TOB2: variants seen among roughly 807,000 people sequenced by gnomAD.
TOB2 encodes the protein protein Tob2.
In TOB2, 3 loss-of-function variants were observed where a neutral mutation model predicts 17.3. The ratio of observed to expected loss-of-function variants is 0.17; its 90% confidence interval spans 0.08 to 0.45. The LOEUF (loss-of-function observed/expected upper bound fraction) is 0.45, where lower values mean the gene tolerates loss of function less well. Ranked by LOEUF, TOB2 falls within the 20% of genes least tolerant of loss-of-function variation. The probability of loss-of-function intolerance (pLI) is 0.99; values close to 1 mark genes in which losing one functional copy is unlikely to be tolerated. For synonymous variants in TOB2, 163 were observed against 185.6 expected, an observed-to-expected ratio of 0.88 and a Z score of 0.99; for missense variants, 407 against 445.7, an observed-to-expected ratio of 0.91 and a Z score of 0.78.
In TOB2 at chr22:41,436,209, T is replaced by A; in HGVS notation, c.*102A>T. ...TTTTCTAGAAGTAAGAGTGAGAAGA[T>A]CGAAAATCTTTTTGTACATTTTTCT... On this transcript the variant is annotated 3_prime_UTR_variant, in exon 2 of 2. Transcript: ENST00000327492. This position sits in a 1 kb window ranked among gnomAD's most constrained non-coding sequence, Gnocchi z 4.8. 7 of 1,400,996 alleles carry A rather than the reference T, an allele frequency of 5.0e-6. No individual in the cohort carries two copies. Among genetic ancestry groups the A allele is most frequent in the Non-Finnish European group, 6.6e-6 (7 of 1,067,880 alleles). 86.8% of individuals were successfully genotyped at this position (1,400,996 alleles called of 1,614,324 possible). A position where few individuals can be genotyped will look rare whatever the true frequency, so the allele number is the denominator to read the frequency against.
rs1343185715 is a variant in TOB2, at chr22:41,436,619, T to A, written c.727A>T (p.Ile243Phe). 3 of 1,613,708 alleles carry A rather than the reference T, an allele frequency of 1.9e-6. No individual in the cohort carries two copies. Residue 243 changes from isoleucine (I) to phenylalanine (F), a missense_variant, in exon 2 of 2, where the codon ATC becomes TTC. Ile to Phe is a conservative substitution (Grantham distance 21). Coordinates refer to ENST00000327492, the MANE Select transcript of TOB2 (RefSeq NM_016272.4). This position sits in a 1 kb window ranked among gnomAD's most constrained non-coding sequence, Gnocchi z 4.8. ...GACTGAGGGGCCGGGTTGGCCGTGA[T>A]GAAGTTCAGTGAATGCATAGACAGA... Reference protein sequence around the residue: ...LSLSMHSLNFITANPAPQSQL... With the variant: ...LSLSMHSLNFFTANPAPQSQL...
chr22:41,436,132 C>T lies in TOB2; in HGVS notation c.*179G>A. On this transcript the variant is annotated 3_prime_UTR_variant, in exon 2 of 2. Coordinates refer to ENST00000327492, the MANE Select transcript of TOB2 (RefSeq NM_016272.4). This position sits in a 1 kb window ranked among gnomAD's most constrained non-coding sequence, Gnocchi z 4.8. ...GGCGAGCGGTAAGGGGTGAGTGAAA[C>T]ACACTTGGGTGCTTTGCAGGGCCCT... 7.1e-6 allele frequency: 5 copies of T among 702,372 alleles called. No individual in the cohort carries two copies. The highest frequency in any genetic ancestry group is 3.0e-5 in the East Asian group (1 of 33,774). 43.5% of individuals were successfully genotyped at this position (702,372 alleles called of 1,614,324 possible). A position where few individuals can be genotyped will look rare whatever the true frequency, so the allele number is the denominator to read the frequency against.
Position 41,443,173 on chromosome 22 carries a change from G to A in TOB2, c.-63+3206C>T, listed in dbSNP as rs528249105. On this transcript the variant is annotated intron_variant, in intron 1 of 1. Coordinates refer to ENST00000327492, the MANE Select transcript of TOB2 (RefSeq NM_016272.4). ...AGCAGGTGCCTAGGAGAAAGACGAC[G>A]GGGGAAGAAGTGGGGCGTGAAGCTC... is the stretch of plus-strand genomic sequence containing the variant. Among the ~76,000 whole-genome samples, 134 of 152,156 alleles carry A rather than the reference G, an allele frequency of 8.8e-4. 1 individual carries two copies. Among genetic ancestry groups the A allele is most frequent in the African/African-American group, 3.2e-3 (132 of 41,536 alleles).
chr22:41,438,630 CAAAAAAAAAAAAAA>C (rs749494672), intron 1 of TOB2, among the ~76,000 whole-genome samples: 48 of 12,696 alleles, frequency 3.8e-3, no homozygotes, highest in East Asian at 0.014. Flanking sequence ...AACTCTGTCT[CAAAAAAAAAAAAAA>C]AAAAAAAAAA....
At chr22:41,441,839 A>G (rs568554427) in intron 1 of TOB2, among the ~76,000 whole-genome samples, 22 of 151,604 alleles carry the variant, frequency 1.5e-4, no homozygotes, top group Admixed American at 7.2e-4. Context: ...TGAACCCAGG[A>G]GGCGGAGGTT....
rs962104409 is a variant in TOB2, at chr22:41,436,286, C to A, written c.*25G>T. The A allele has an allele frequency of 1.3e-6, 2 of 1,531,368 alleles. No individual in the cohort carries two copies. The highest frequency in any genetic ancestry group is 1.4e-5 in the African/African-American group (1 of 72,368). 94.9% of individuals were successfully genotyped at this position (1,531,368 alleles called of 1,614,324 possible). A position where few individuals can be genotyped will look rare whatever the true frequency, so the allele number is the denominator to read the frequency against. ...TCTCTTTTCTGTGGTCTTGGGTGCT[C>A]CTGGCCCCACGGGCAGGTAGATGGT... On this transcript the variant is annotated 3_prime_UTR_variant, in exon 2 of 2. Coordinates refer to ENST00000327492, the MANE Select transcript of TOB2 (RefSeq NM_016272.4). This position sits in a 1 kb window ranked among gnomAD's most constrained non-coding sequence, Gnocchi z 4.8.
intron 1 of TOB2, among the ~76,000 whole-genome samples, chr22:41,438,179 G>A (rs1263064194): frequency 6.6e-6 from 1 of 152,024 alleles, no homozygotes. Context: ...AAAATATTTG[G>A]TTGTCCTCCT....
chr22:41,436,550 C>T lies in TOB2; in HGVS notation c.796G>A (p.Gly266Ser). 1 of 1,609,770 alleles carries T rather than the reference C, an allele frequency of 6.2e-7. No homozygotes were observed. The highest frequency in any genetic ancestry group is 2.2e-5 in the East Asian group (1 of 44,752). The change falls in exon 2 of 2, where the codon GGC (glycine) becomes AGC (serine). Residue 266 changes from glycine to serine, a missense_variant. Coordinates refer to ENST00000327492, the MANE Select transcript of TOB2 (RefSeq NM_016272.4). The surrounding 1 kb of genome is among the most constrained non-coding windows in gnomAD (Gnocchi z 4.8). The part of the protein sequence containing the change: ...NAKEFVYNGG[G>S]SPSLFFDAAD... ...GCATCAAAGAAGAGGCTGGGTGAGC[C>T]ACCACCGTTGTACACGAACTCCTTG...
chr22:41,443,242 TAAA>T (rs1200897727), intron 1 of TOB2, among the ~76,000 whole-genome samples: 1 of 152,122 alleles, frequency 6.6e-6, no homozygotes, highest in South Asian at 2.1e-4. Context: ...GAACTTCTGA[TAAA>T]AATGTGAGGA....
In TOB2 at chr22:41,436,764, C is replaced by T. The variant is rs2037554167; in HGVS notation, c.582G>A (p.Gly194=). The part of the protein sequence containing the change: ...TKFGSTKMKK[G]GGAASGGGVA... ...CACCCCCACCACTTGCTGCCCCGCC[C>T]CCCTTCTTCATCTTAGTGGAGCCAA... Residue 194 remains glycine (G), a synonymous_variant, in exon 2 of 2, where the codon GGG becomes GGA. Transcript: ENST00000327492. The surrounding 1 kb of genome is among the most constrained non-coding windows in gnomAD (Gnocchi z 4.8). The T allele has an allele frequency of 2.5e-6, 4 of 1,613,972 alleles. No homozygotes were observed. The highest frequency in any genetic ancestry group is 3.4e-6 in the Non-Finnish European group (4 of 1,179,928).
Position 41,436,648 on chromosome 22 carries a change from A to G in TOB2, c.698T>C (p.Leu233Pro). ...PTNSLLKHKSLSLSMHSLNFI... is the reference protein window; with the variant it reads ...PTNSLLKHKSPSLSMHSLNFI... ...GTTCAGTGAATGCATAGACAGAGAG[A>G]GGCTCTTGTGCTTCAGCAGGCTGTT... Residue 233 changes from leucine to proline, a missense_variant, in exon 2 of 2, where the codon CTC (leucine) becomes CCC (proline). Coordinates refer to ENST00000327492, the MANE Select transcript of TOB2 (RefSeq NM_016272.4). This position sits in a 1 kb window ranked among gnomAD's most constrained non-coding sequence, Gnocchi z 4.8. 1 of 1,614,036 alleles carries G rather than the reference A, an allele frequency of 6.2e-7. No individual in the cohort carries two copies. Among genetic ancestry groups the G allele is most frequent in the Non-Finnish European group, 8.5e-7 (1 of 1,180,004 alleles).
At chr22:41,440,365 C>A (rs1379268291) in intron 1 of TOB2, among the ~76,000 whole-genome samples, 1 of 151,880 alleles carries the variant, frequency 6.6e-6, no homozygotes, top group African/African-American at 2.4e-5. Context: ...GATCCACCCA[C>A]CTCAGCCTCC....
chr22:41,440,349 C>T (rs1255717583), intron 1 of TOB2, among the ~76,000 whole-genome samples: 2 of 151,204 alleles, frequency 1.3e-5, no homozygotes, highest in African/African-American at 4.9e-5. Flanking sequence ...GAACTGCTGA[C>T]TTCGTGATCC....
At chr22:41,438,253 T>C (rs2037575532) in intron 1 of TOB2, among the ~76,000 whole-genome samples, 1 of 152,198 alleles carries the variant, frequency 6.6e-6, no homozygotes, top group African/African-American at 2.4e-5. Flanking sequence ...ACTGGGGGCC[T>C]GGACTCCAGT....
intron 1 of TOB2, among the ~76,000 whole-genome samples, chr22:41,443,336 CT>C (rs1248212962): frequency 3.3e-5 from 5 of 152,152 alleles, no homozygotes; most frequent in Non-Finnish European, 7.4e-5. Flanking sequence ...TTTTCCCCCC[CT>C]CGAGACAGTC....
Position 41,446,583 on chromosome 22 carries a change from A to G in TOB2, c.-267T>C, listed in dbSNP as rs1187145626. The G allele has an allele frequency of 1.3e-5, 2 of 152,600 alleles. No individual in the cohort carries two copies. Among genetic ancestry groups the G allele is most frequent in the Non-Finnish European group, 2.9e-5 (2 of 68,030 alleles). 9.5% of individuals were successfully genotyped at this position (152,600 alleles called of 1,614,324 possible). Reference sequence around the variant, plus strand: ...CTCTCAATAATTTCTTTCAGCTCTTAGGAGGTCGGGCTCGGCAGCGGGGGG... The same window carrying G: ...CTCTCAATAATTTCTTTCAGCTCTTGGGAGGTCGGGCTCGGCAGCGGGGGG... On this transcript the variant is annotated 5_prime_UTR_variant, in exon 1 of 2. Coordinates refer to ENST00000327492, the MANE Select transcript of TOB2 (RefSeq NM_016272.4).
chr22:41,445,953 C>A (rs1568988381), intron 1 of TOB2, among the ~76,000 whole-genome samples: 1 of 152,192 alleles, frequency 6.6e-6, no homozygotes, highest in Non-Finnish European at 1.5e-5. Flanking sequence ...CCCTTCCCTG[C>A]ACACGGGAAA....
At chr22:41,444,414 G>C (rs993635817) in intron 1 of TOB2, among the ~76,000 whole-genome samples, 2 of 152,204 alleles carry the variant, frequency 1.3e-5, no homozygotes, top group African/African-American at 4.8e-5. Flanking sequence ...AGGAAAACTC[G>C]ACTCAACCCA....
At position 41,436,068 on chromosome 22, in the gene TOB2, T is replaced by A. The variant is rs2037542268; in HGVS notation, c.*243A>T. ...AAGAAAAAAAAAAAAGAAAAAGAAA[T>A]ATAAAACCCAAACCAACCAAATAAA... On this transcript the variant is annotated 3_prime_UTR_variant, in exon 2 of 2. Transcript: ENST00000327492. This position sits in a 1 kb window ranked among gnomAD's most constrained non-coding sequence, Gnocchi z 4.8. 1.2e-5 allele frequency: 5 copies of A among 403,666 alleles called. No homozygotes were observed. The highest frequency in any genetic ancestry group is 8.8e-5 in the South Asian group (1 of 11,376). 25.0% of individuals were successfully genotyped at this position (403,666 alleles called of 1,614,324 possible).
Sources: gnomAD v4.1 joint callset for allele counts (sites outside exome capture counted in the v4.1 genomes callset) on GRCh38, gnomAD v4.1.1 for gene constraint, Gnocchi (gnomAD v3.1) non-coding constraint, MANE v1.5 for transcripts, NCBI Gene and HGNC (gene_info 2026-07-23, HGNC 2026-07-21) for gene names.